CLTC: variants seen among roughly 807,000 people sequenced by gnomAD.
CLTC encodes clathrin heavy chain 1.
Under a neutral mutation model 195.8 loss-of-function variants are expected in CLTC, and 16 were observed. The observed-to-expected ratio is 0.08, with a 90% CI of 0.06 to 0.12. CLTC has a LOEUF of 0.12. CLTC is among the 10% of genes least tolerant of loss of function. CLTC has a pLI of 1.00. For missense variants in CLTC, 796 were observed against 2,027.0 expected, an observed-to-expected ratio of 0.39 and a Z score of 11.66; for synonymous variants, 667 against 689.4, an observed-to-expected ratio of 0.97 and a Z score of 0.51.
Position 59,681,603 on chromosome 17 carries a change from GGATT to G in CLTC, c.3250-39_3250-36del. On this transcript the variant is annotated intron_variant, in intron 20 of 31. Transcript: ENST00000269122. This position sits in a 1 kb window ranked among gnomAD's most constrained non-coding sequence, Gnocchi z 5.0. ...AGCTTAAATGTAATTGCTTTGGGTA[GGATT>G]GATTTTACTCTAACCCTAATTTCAA... 6.3e-7 allele frequency: 1 copy of G among 1,584,960 alleles called. No individual in the cohort carries two copies. The highest frequency in any genetic ancestry group is 8.6e-7 in the Non-Finnish European group (1 of 1,161,200).
At chr17:59,650,930 A>G (rs2032313400) in intron 4 of CLTC, among the ~76,000 whole-genome samples, 1 of 152,128 alleles carries the variant, frequency 6.6e-6, no homozygotes, top group African/African-American at 2.4e-5. Flanking sequence ...CTCCATCTCT[A>G]TAATTTTGTC....
At chr17:59,663,403 T>C (rs1259836443) in intron 8 of CLTC, among the ~76,000 whole-genome samples, 1 of 152,222 alleles carries the variant, frequency 6.6e-6, no homozygotes, top group Admixed American at 6.5e-5. Context: ...ACTGTCCTTA[T>C]GGTAAACCTC....
At chr17:59,647,753 C>G in intron 3 of CLTC, 87 bp downstream of exon 3, 1 of 1,174,582 alleles carries the variant, frequency 8.5e-7, no homozygotes, top group Non-Finnish European at 1.2e-6. Flanking sequence ...TTAGGTCTTT[C>G]TATACTCAAT....
At position 59,690,618 on chromosome 17, in the gene CLTC, T is replaced by C. The variant is rs1598248350; in HGVS notation, c.4828-18T>C. 6.3e-7 allele frequency: 1 copy of C among 1,588,234 alleles called. No homozygotes were observed. Reference sequence around the variant, plus strand: ...AATACTTTTGGGGTGCTAATTAACATGATGTGTTTTTCTCCAGGTGGATAA... The same window carrying C: ...AATACTTTTGGGGTGCTAATTAACACGATGTGTTTTTCTCCAGGTGGATAA... On this transcript the variant is annotated intron_variant, in intron 30 of 31. Transcript: ENST00000269122.
intron 30 of CLTC, among the ~76,000 whole-genome samples, chr17:59,688,918 C>T (rs1426559147): frequency 6.6e-6 from 1 of 152,112 alleles, no homozygotes; most frequent in Non-Finnish European, 1.5e-5. Context: ...ACTTCTGTAG[C>T]TCTTTCTTGA....
chr17:59,653,360 A>AT (rs1393568880), intron 5 of CLTC, among the ~76,000 whole-genome samples: 1 of 149,326 alleles, frequency 6.7e-6, no homozygotes, highest in African/African-American at 2.5e-5. Flanking sequence ...CCCTCGGCTA[A>AT]TTTTTTGTAT....
At chr17:59,656,259 T>G in intron 6 of CLTC, 1 of 378,662 alleles carries the variant, frequency 2.6e-6, no homozygotes, top group Non-Finnish European at 4.7e-6. Context: ...AATAGAGATG[T>G]GTATGAATAC....
chr17:59,627,650 G>T (rs2031591473), intron 1 of CLTC, among the ~76,000 whole-genome samples: 1 of 152,072 alleles, frequency 6.6e-6, no homozygotes, highest in Non-Finnish European at 1.5e-5. Context: ...ACTAACATCT[G>T]ACTTTATGCC....
intron 1 of CLTC, among the ~76,000 whole-genome samples, chr17:59,620,715 G>T (rs1415251397): frequency 6.6e-6 from 1 of 152,016 alleles, no homozygotes. Flanking sequence ...TGGGGGTTGG[G>T]GGTGGTGGTG....
In CLTC at chr17:59,690,674, A is replaced by G. The variant is rs1293434411; in HGVS notation, c.4866A>G (p.Glu1622=). Residue 1622 remains glutamate (E), a synonymous_variant, in exon 31 of 32, where the codon GAA becomes GAG. Coordinates refer to ENST00000269122, the MANE Select transcript of CLTC (RefSeq NM_004859.4). ...ATGCTTCAGAATCACTGAGAAAAGA[A>G]GAAGAACAAGCTACAGAGACACAAC... ...KLDASESLRK[E]EEQATETQPI... 1 of 1,613,338 alleles carries G rather than the reference A, an allele frequency of 6.2e-7. No individual in the cohort carries two copies. The highest frequency in any genetic ancestry group is 1.3e-5 in the African/African-American group (1 of 74,908).
In CLTC at chr17:59,696,673, C is replaced by T. The variant is rs553334029; in HGVS notation, c.*2821C>T. 6 of 209,906 alleles carry T rather than the reference C, an allele frequency of 2.9e-5. No individual in the cohort carries two copies. In the South Asian group the frequency reaches 5.6e-4, roughly 20 times the overall value. 13.0% of individuals were successfully genotyped at this position (209,906 alleles called of 1,614,324 possible). A position where few individuals can be genotyped will look rare whatever the true frequency, so the allele number is the denominator to read the frequency against. ...AAAGATCAAAAGGGAAAAAAGGCAC[C>T]CTTAATTGTCAAAGTTAGTTCTAGG... On this transcript the variant is annotated 3_prime_UTR_variant, in exon 32 of 32. Transcript: ENST00000269122.
chr17:59,681,839 G>T lies in CLTC; in HGVS notation c.3442G>T (p.Gly1148Ter). Reference protein sequence around the residue: ...MEVVQAANTSGNWEELVKYLQ... With the variant: ...MEVVQAANTS Reference sequence around the variant, plus strand: ...AGTTGTTCAGGCTGCCAATACTAGTGGTATGACTTCTTACCTTATGTATTG... The same window carrying T: ...AGTTGTTCAGGCTGCCAATACTAGTTGTATGACTTCTTACCTTATGTATTG... Residue 1148 changes from glycine to a stop codon, truncating the protein, a stop_gained and splice_region_variant, in exon 21 of 32, where the codon GGA (glycine) becomes TGA (stop). Transcript: ENST00000269122. LOFTEE classifies it high-confidence loss of function. The surrounding 1 kb of genome is among the most constrained non-coding windows in gnomAD (Gnocchi z 5.0). 6.2e-7 allele frequency: 1 copy of T among 1,608,806 alleles called. No individual in the cohort carries two copies. Among genetic ancestry groups the T allele is most frequent in the South Asian group, 1.1e-5 (1 of 90,528 alleles).
At chr17:59,684,890 C>T (rs1217059007) in intron 28 of CLTC, among the ~76,000 whole-genome samples, 166 bp from the exon 29 acceptor site, 1 of 151,432 alleles carries the variant, frequency 6.6e-6, no homozygotes, top group Admixed American at 6.6e-5. Context: ...TAGTGAAAAT[C>T]TTGGAGAAAA....
chr17:59,691,127 G>A (rs1019789386), intron 31 of CLTC, among the ~76,000 whole-genome samples: 2 of 152,166 alleles, frequency 1.3e-5, no homozygotes, highest in Admixed American at 6.5e-5. Context: ...AGAGAACTGG[G>A]TAGAGTTTCC....
At position 59,668,908 on chromosome 17, in the gene CLTC, T is replaced by C; in HGVS notation, c.2260T>C (p.Tyr754His). 1 of 1,612,452 alleles carries C rather than the reference T, an allele frequency of 6.2e-7. No individual in the cohort carries two copies. Among genetic ancestry groups the C allele is most frequent in the Non-Finnish European group, 8.5e-7 (1 of 1,179,476 alleles). The part of the protein sequence containing the change: ...VERICRESNC[Y>H]DPERVKNFLK... Reference sequence around the variant, plus strand: ...AAGAATCTGTAGAGAAAGCAACTGCTACGATCCTGAGCGAGTCAAGAATTT... The same window carrying C: ...AAGAATCTGTAGAGAAAGCAACTGCCACGATCCTGAGCGAGTCAAGAATTT... Residue 754 changes from tyrosine to histidine, a missense_variant, in exon 14 of 32, where the codon TAC (tyrosine) becomes CAC (histidine). Transcript: ENST00000269122.
intron 1 of CLTC, among the ~76,000 whole-genome samples, chr17:59,632,367 C>A (rs150488501): frequency 2.9e-3 from 319 of 111,430 alleles, no homozygotes; most frequent in Middle Eastern, 5.2e-3. Context: ...GAATCCATCT[C>A]AAAAAAAAAA....
intron 16 of CLTC, among the ~76,000 whole-genome samples, chr17:59,676,247 T>C (rs2032963359): frequency 1.3e-5 from 2 of 152,192 alleles, no homozygotes; most frequent in South Asian, 4.1e-4. Context: ...AAACAAGCTA[T>C]AGTATAGCAA....
At chr17:59,667,096 T>A in intron 13 of CLTC, 119 bp downstream of exon 13, 1 of 708,688 alleles carries the variant, frequency 1.4e-6, no homozygotes, top group Non-Finnish European at 2.3e-6. Context: ...TGGGACATTT[T>A]AATTTTTTAA....
Position 59,666,082 on chromosome 17 carries a change from C to A in CLTC, c.1645-21C>A, listed in dbSNP as rs779476647. 5 of 1,566,036 alleles carry A rather than the reference C, an allele frequency of 3.2e-6. No individual in the cohort carries two copies. The highest frequency in any genetic ancestry group is 2.7e-5 in the African/African-American group (2 of 73,966). On this transcript the variant is annotated intron_variant, in intron 10 of 31. Transcript: ENST00000269122. The surrounding 1 kb of genome is among the most constrained non-coding windows in gnomAD (Gnocchi z 4.9). ...TCTCCATAGTATCTTAAAACAATTTCTTTTAAATCTTTTTTTGTAGATTGT... is the reference window on the plus strand; with the variant it reads ...TCTCCATAGTATCTTAAAACAATTTATTTTAAATCTTTTTTTGTAGATTGT...
Sources: gnomAD v4.1 joint callset for allele counts (sites outside exome capture counted in the v4.1 genomes callset) on GRCh38, gnomAD v4.1.1 for gene constraint, Gnocchi (gnomAD v3.1) non-coding constraint, MANE v1.5 for transcripts, NCBI Gene and HGNC (gene_info 2026-07-23, HGNC 2026-07-21) for gene names.